Variants in IK observed in about 807,000 individuals in gnomAD.
IK encodes protein Red.
In IK, 47 loss-of-function variants were observed where a neutral mutation model predicts 90.9. The observed-to-expected ratio is 0.52, with a 90% CI of 0.41 to 0.66. The LOEUF (loss-of-function observed/expected upper bound fraction) is 0.66. IK is among the 30% of genes least tolerant of loss of function. The pLI is 0.00. For synonymous variants in IK, 201 were observed against 227.5 expected (o/e 0.88, Z 1.05); for missense variants, 385 against 709.3 (o/e 0.54, Z 5.19).
chr5:140,659,290 A>C (rs1047390386), intron 12 of IK, 25 bp from the exon 13 acceptor site: 1 of 1,613,790 alleles, frequency 6.2e-7, no homozygotes, highest in Non-Finnish European at 8.5e-7. Context: ...GGTAACACTA[A>C]CTTCACATTT....
intron 19 of IK, 40 bp from the exon 20 acceptor site, chr5:140,662,262 G>A (rs1757811018): frequency 6.2e-7 from 1 of 1,613,868 alleles, no homozygotes; most frequent in South Asian, 1.1e-5. Context: ...ATTGCTTAGT[G>A]TATTGATCTT....
Position 140,654,735 on chromosome 5 carries a change from C to A in IK, c.637+8C>A. The A allele has an allele frequency of 6.4e-7, 1 of 1,560,222 alleles. No individual in the cohort carries two copies. The highest frequency in any genetic ancestry group is 8.8e-7 in the Non-Finnish European group (1 of 1,134,136). On this transcript the variant is annotated splice_region_variant and intron_variant, in intron 8 of 19. Coordinates refer to ENST00000417647, the MANE Select transcript of IK (RefSeq NM_006083.4). ...AATTTAAAACACGTCTGGGTGAGTA[C>A]AGTTTCTATACTAGTGACTATGCAT...
At chr5:140,651,609 A>T in intron 2 of IK, 105 bp from the exon 3 acceptor site, 1 of 643,426 alleles carries the variant, frequency 1.6e-6, no homozygotes, top group Non-Finnish European at 2.7e-6. Flanking sequence ...TCTTTGTTTT[A>T]ATTTGTATTT....
In IK at chr5:140,655,985, C is replaced by T. The variant is rs1757702723; in HGVS notation, c.794C>T (p.Thr265Ile). Reference sequence around the variant, plus strand: ...ATCCGCAGCAAGGCTGATTGCCCCACCATGGAGGTGAGTGAATGGAATCCT... The same window carrying T: ...ATCCGCAGCAAGGCTGATTGCCCCATCATGGAGGTGAGTGAATGGAATCCT... ...TLIRSKADCP[T>I]MEAQTTLTTN... is the part of the protein sequence containing the mutation. The change falls in exon 9 of 20, where the codon ACC (threonine) becomes ATC (isoleucine). Residue 265 changes from threonine to isoleucine, a missense_variant. Coordinates refer to ENST00000417647, the MANE Select transcript of IK (RefSeq NM_006083.4). The T allele has an allele frequency of 6.4e-7, 1 of 1,552,066 alleles. No homozygotes were observed. The highest frequency in any genetic ancestry group is 8.7e-7 in the Non-Finnish European group (1 of 1,147,186).
chr5:140,660,569 A>G (rs1413006538), intron 15 of IK, 189 bp from the exon 16 acceptor site: 1 of 565,142 alleles, frequency 1.8e-6, no homozygotes, highest in Non-Finnish European at 3.2e-6. Flanking sequence ...AAGTGCGGGG[A>G]TTACAGGAGT....
intron 15 of IK, 193 bp from the exon 16 acceptor site, chr5:140,660,564 CG>C: frequency 1.8e-6 from 1 of 556,586 alleles, no homozygotes; most frequent in East Asian, 2.9e-5. Context: ...TCCAAAAGTG[CG>C]GGGATTACAG....
At position 140,654,809 on chromosome 5, in the gene IK, C is replaced by G; in HGVS notation, c.637+82C>G. The G allele has an allele frequency of 3.3e-6, 3 of 916,154 alleles. No homozygotes were observed. The South Asian group carries it at 4.6e-5, about 14-fold the overall frequency. The allele number at this position is 916,154 out of a possible 1,614,324, so 56.8% of individuals were successfully genotyped here. ...AATGCTCTGGGAAGGATATGCTTCT[C>G]CTTTCCCCCAACCTCCTTTCTTCTT... On this transcript the variant is annotated intron_variant, in intron 8 of 19. Coordinates refer to ENST00000417647, the MANE Select transcript of IK (RefSeq NM_006083.4).
chr5:140,660,378 A>G (rs1757785038), intron 15 of IK, 183 bp downstream of exon 15: 2 of 547,130 alleles, frequency 3.7e-6, no homozygotes, highest in South Asian at 2.2e-5. Flanking sequence ...GCTCGCTGCA[A>G]TCTCCATCTC....
At chr5:140,654,765 GA>G (rs1309810965) in intron 8 of IK, 38 bp downstream of exon 8, 2 of 1,328,392 alleles carry the variant, frequency 1.5e-6, no homozygotes, top group East Asian at 4.6e-5. Flanking sequence ...ATGCATTCTG[GA>G]TGAATTGTAC....
At position 140,654,172 on chromosome 5, in the gene IK, T is replaced by C. The variant is rs1004734386; in HGVS notation, c.519+120T>C. On this transcript the variant is annotated intron_variant, in intron 6 of 19. Coordinates refer to ENST00000417647, the MANE Select transcript of IK (RefSeq NM_006083.4). ...GACTGAGTAGAAGAAGGGCTAAAGA[T>C]GGCCCCTCTGAAAAGCTGATTGCTA... 6.5e-5 allele frequency: 43 copies of C among 660,950 alleles called. No individual in the cohort carries two copies. The African/African-American group carries it at 6.9e-4, about 11-fold the overall frequency. The allele number at this position is 660,950 out of a possible 1,614,324, so 40.9% of individuals were successfully genotyped here.
At chr5:140,651,067 C>T (rs571328312) in intron 2 of IK, among the ~76,000 whole-genome samples, 2 of 152,260 alleles carry the variant, frequency 1.3e-5, no homozygotes, top group Non-Finnish European at 2.9e-5. Context: ...TTCTCATCAG[C>T]ATTATATGAG....
intron 10 of IK, 70 bp from the exon 11 acceptor site, chr5:140,658,667 G>A: frequency 1.6e-6 from 2 of 1,249,262 alleles, no homozygotes; most frequent in South Asian, 2.6e-5. Context: ...ATTAAGAGCT[G>A]GAGAGGATGG....
rs750523739 is a variant in IK at position 140,652,124 on chromosome 5, T to C, written c.213T>C (p.Ala71=). ...AGTACAATGAGGATGAAGACCCAGC[T>C]GCACGAAGGAGGAAAAAGAAAAGGT... ...PREYNEDEDP[A]ARRRKKKSYY... Residue 71 remains alanine (A), a synonymous_variant, in exon 4 of 20, where the codon GCT becomes GCC. Transcript: ENST00000417647. The C allele has an allele frequency of 1.2e-6, 2 of 1,613,766 alleles. No individual in the cohort carries two copies. Among genetic ancestry groups the C allele is most frequent in the South Asian group, 2.2e-5 (2 of 91,072 alleles).
Position 140,661,744 on chromosome 5 carries a change from G to C in IK, c.1502+36G>C. The C allele has an allele frequency of 6.6e-7, 1 of 1,521,688 alleles. No homozygotes were observed. Among genetic ancestry groups the C allele is most frequent in the Non-Finnish European group, 9.0e-7 (1 of 1,108,330 alleles). The allele number at this position is 1,521,688 out of a possible 1,614,324, so 94.3% of individuals were successfully genotyped here. On this transcript the variant is annotated intron_variant, in intron 17 of 19. Transcript: ENST00000417647. The surrounding 1 kb of genome is among the most constrained non-coding windows in gnomAD (Gnocchi z 4.2). ...ACTGAATATGGGCAGGGTGTGAGGA[G>C]GGGTGTGGGGATTTGGTGGAATAGT...
In IK at chr5:140,662,332, A is replaced by C. The variant is rs780414392; in HGVS notation, c.*3A>C. Reference sequence around the variant, plus strand: ...AAGTCAAAAGACCAAAATACTAATCACTAGTTACAACCAGAGATGCTCCAC... The same window carrying C: ...AAGTCAAAAGACCAAAATACTAATCCCTAGTTACAACCAGAGATGCTCCAC... On this transcript the variant is annotated 3_prime_UTR_variant, in exon 20 of 20. Coordinates refer to ENST00000417647, the MANE Select transcript of IK (RefSeq NM_006083.4). The C allele has an allele frequency of 4.3e-6, 7 of 1,613,774 alleles. No individual in the cohort carries two copies. Among genetic ancestry groups the C allele is most frequent in the Non-Finnish European group, 5.9e-6 (7 of 1,179,652 alleles).
chr5:140,648,667 T>C, intron 2 of IK, 130 bp downstream of exon 2: 1 of 885,516 alleles, frequency 1.1e-6, no homozygotes. Context: ...GCCCTTTATC[T>C]CTGTGAGCCT....
intron 2 of IK, among the ~76,000 whole-genome samples, chr5:140,650,688 T>C (rs1290838800): frequency 6.6e-6 from 1 of 152,200 alleles, no homozygotes; most frequent in Non-Finnish European, 1.5e-5. Context: ...GCGATTTTCC[T>C]GCCTCAGCCT....
At position 140,661,363 on chromosome 5, in the gene IK, C is replaced by T; in HGVS notation, c.1414-257C>T. Reference sequence around the variant, plus strand: ...CTTTCACTGTTTATGCCTCAGTTTCCTCATCAGGAAAATGGAGAGAAATAT... The same window carrying T: ...CTTTCACTGTTTATGCCTCAGTTTCTTCATCAGGAAAATGGAGAGAAATAT... On this transcript the variant is annotated intron_variant, in intron 16 of 19. Coordinates refer to ENST00000417647, the MANE Select transcript of IK (RefSeq NM_006083.4). The surrounding 1 kb of genome is among the most constrained non-coding windows in gnomAD (Gnocchi z 4.2). 2.3e-6 allele frequency: 1 copy of T among 427,752 alleles called. No homozygotes were observed. Among genetic ancestry groups the T allele is most frequent in the South Asian group, 2.8e-5 (1 of 35,320 alleles). The allele number at this position is 427,752 out of a possible 1,614,324, so 26.5% of individuals were successfully genotyped here. A position where few individuals can be genotyped will look rare whatever the true frequency, so the allele number is the denominator to read the frequency against.
At chr5:140,647,972 C>G in intron 1 of IK, 48 bp downstream of exon 1, 1 of 1,586,270 alleles carries the variant, frequency 6.3e-7, no homozygotes, top group Non-Finnish European at 8.7e-7. Flanking sequence ...ACTTGGGGCA[C>G]TTGGCGCATT....
Sources: allele counts gnomAD v4.1 joint callset (sites outside exome capture counted in the v4.1 genomes callset), GRCh38; gene constraint gnomAD v4.1.1; non-coding constraint Gnocchi (gnomAD v3.1); transcripts MANE v1.5; gene names NCBI Gene and HGNC (gene_info 2026-07-23, HGNC 2026-07-21).